The following BMPR1B variants were observed in gnomAD, a reference collection of about 807,000 sequenced individuals.
BMPR1B encodes bone morphogenetic protein receptor type 1B.
In BMPR1B, 12 loss-of-function variants were observed where a neutral mutation model predicts 59.1. That is an observed-to-expected ratio of 0.20 (90% CI 0.13 to 0.33). BMPR1B has a LOEUF of 0.33. Ranked by LOEUF, BMPR1B falls within the 10% of genes least tolerant of loss-of-function variation. The pLI is 1.00. For missense variants in BMPR1B, 550 were observed against 610.9 expected (o/e 0.90, Z 1.05); for synonymous variants, 237 against 207.3 (o/e 1.14, Z -1.23).
At chr4:94,957,347 T>G (rs1478641037) in intron 2 of BMPR1B, among the ~76,000 whole-genome samples, 1 of 149,724 alleles carries the variant, frequency 6.7e-6, no homozygotes, top group Non-Finnish European at 1.5e-5. Context: ...TTTTTTTTTT[T>G]TTTTTTTTTT....
chr4:95,043,483 A>T (rs529596839), intron 3 of BMPR1B, among the ~76,000 whole-genome samples: 1 of 152,186 alleles, frequency 6.6e-6, no homozygotes, highest in African/African-American at 2.4e-5. Context: ...TGTCTCATGA[A>T]TTGTTTTGTA....
At chr4:94,776,784 C>T (rs568303460) in intron 1 of BMPR1B, among the ~76,000 whole-genome samples, 4 of 152,124 alleles carry the variant, frequency 2.6e-5, no homozygotes, top group East Asian at 1.9e-4. Flanking sequence ...TACATGAATA[C>T]GCGTTCAATG....
chr4:94,924,018 C>A (rs531162531), intron 2 of BMPR1B, among the ~76,000 whole-genome samples: 60 of 152,252 alleles, frequency 3.9e-4, no homozygotes, highest in African/African-American at 1.3e-3. Context: ...TATGTCTTGA[C>A]TAGCATATGC....
At chr4:94,855,420 C>G (rs188600933) in intron 1 of BMPR1B, among the ~76,000 whole-genome samples, 12 of 152,304 alleles carry the variant, frequency 7.9e-5, no homozygotes, top group Admixed American at 7.8e-4. Flanking sequence ...ACAGCATTTG[C>G]TCTAAATTGC....
At chr4:94,916,380 T>C (rs1728483898) in intron 2 of BMPR1B, among the ~76,000 whole-genome samples, 1 of 152,208 alleles carries the variant, frequency 6.6e-6, no homozygotes, top group African/African-American at 2.4e-5. Flanking sequence ...AAGGCCAGGC[T>C]GCCGAGGTCT....
At chr4:95,015,070 A>G (rs774201853) in intron 3 of BMPR1B, among the ~76,000 whole-genome samples, 30 of 152,154 alleles carry the variant, frequency 2.0e-4, no homozygotes, top group Non-Finnish European at 4.3e-4. Flanking sequence ...TCACAAGAAC[A>G]CTGACATGTT....
At chr4:95,046,871 T>G (rs1726097872) in intron 3 of BMPR1B, among the ~76,000 whole-genome samples, 1 of 152,200 alleles carries the variant, frequency 6.6e-6, no homozygotes, top group African/African-American at 2.4e-5. Flanking sequence ...CTTTCTGATA[T>G]TTCTTCTTGT....
At chr4:94,862,860 G>A (rs13140476) in intron 1 of BMPR1B, among the ~76,000 whole-genome samples, 23,479 of 151,280 alleles carry the variant, frequency 0.16, 2,059 homozygotes, top group South Asian at 0.23. Context: ...CAGGAGAATG[G>A]CGTCAACCCG....
Position 94,788,095 on chromosome 4 carries a change from C to T in BMPR1B, c.-183+30027C>T, listed in dbSNP as rs569053673. Among the ~76,000 whole-genome samples, 12 of 152,290 alleles carry T rather than the reference C, an allele frequency of 7.9e-5. No individual in the cohort carries two copies. In the South Asian group the frequency reaches 2.1e-3, roughly 26 times the overall value. On this transcript the variant is annotated intron_variant, in intron 1 of 12. Transcript: ENST00000515059. ...TTCTGCCATCAGTTACAGTGACCCA[C>T]TTGTAGATTTTGTGCTTCTTGTCCC...
chr4:94,977,231 G>A (rs1731064119), intron 2 of BMPR1B, among the ~76,000 whole-genome samples: 1 of 152,150 alleles, frequency 6.6e-6, no homozygotes, highest in Admixed American at 6.5e-5. Context: ...AGCAGAAAAA[G>A]TCAGCTACAT....
Position 95,078,502 on chromosome 4 carries a change from G to A in BMPR1B, c.-17-25906G>A, listed in dbSNP as rs185931376. 5.9e-5 allele frequency among the ~76,000 whole-genome samples: 9 copies of A among 152,262 alleles called. No individual in the cohort carries two copies. In the East Asian group the frequency reaches 1.4e-3, roughly 23 times the overall value. On this transcript the variant is annotated intron_variant, in intron 3 of 12. Transcript: ENST00000515059. ...TTCCTTTAATTTTAACAACAGCCAT[G>A]TGAGAAGTAAATATTATTACCCCTG...
chr4:94,795,353 C>T (rs544655962), intron 1 of BMPR1B, among the ~76,000 whole-genome samples: 2 of 151,858 alleles, frequency 1.3e-5, no homozygotes, highest in Admixed American at 6.6e-5. Context: ...ACCAGCCTTG[C>T]ATCCCAGGGA....
intron 2 of BMPR1B, among the ~76,000 whole-genome samples, chr4:94,966,213 G>A (rs1284416827): frequency 6.6e-6 from 1 of 152,032 alleles, no homozygotes; most frequent in Non-Finnish European, 1.5e-5. Context: ...AATTTTTCTT[G>A]TTCTGGGAAT....
intron 3 of BMPR1B, among the ~76,000 whole-genome samples, chr4:95,076,675 A>G (rs1189769343): frequency 6.6e-6 from 1 of 152,098 alleles, no homozygotes; most frequent in Non-Finnish European, 1.5e-5. Flanking sequence ...CTCATATGTA[A>G]ATAAATTATG....
At chr4:94,805,895 A>C (rs1432843155) in intron 1 of BMPR1B, among the ~76,000 whole-genome samples, 1 of 152,202 alleles carries the variant, frequency 6.6e-6, no homozygotes, top group African/African-American at 2.4e-5. Context: ...TGAATGAATG[A>C]ATAAATATGG....
chr4:94,962,049 CTTTCTTTCT>C lies in BMPR1B; in HGVS notation c.-112-33973_-112-33965del, dbSNP rs147630671. On this transcript the variant is annotated intron_variant, in intron 2 of 12. Coordinates refer to ENST00000515059, the MANE Select transcript of BMPR1B (RefSeq NM_001203.3). ...ACATAGAAACTAGATTTTATTCTTT[CTTTCTTTCT>C]TTTCTTTCTTTTCTTTCCTTCCTTC... Among the ~76,000 whole-genome samples, 979 of 149,694 alleles carry C rather than the reference CTTTCTTTCT, an allele frequency of 6.5e-3. 12 individuals are homozygous for C. The highest frequency in any genetic ancestry group is 0.018 in the South Asian group (86 of 4,734).
Position 94,767,355 on chromosome 4 carries a change from A to G in BMPR1B, c.-183+9287A>G, listed in dbSNP as rs1365287865. The stretch of plus-strand genomic sequence containing the variant: ...TCTAAATATTTTATCTTGTCTTATA[A>G]TTTTGAGTAGGAATTAATATTGAAT... On this transcript the variant is annotated intron_variant, in intron 1 of 12. Transcript: ENST00000515059. Among the ~76,000 whole-genome samples, 5 of 152,284 alleles carry G rather than the reference A, an allele frequency of 3.3e-5. No individual in the cohort carries two copies. In the East Asian group the frequency reaches 7.7e-4, roughly 23 times the overall value.
At chr4:94,762,609 T>C (rs1199149455) in intron 1 of BMPR1B, among the ~76,000 whole-genome samples, 1 of 152,212 alleles carries the variant, frequency 6.6e-6, no homozygotes, top group East Asian at 1.9e-4. Flanking sequence ...TAGTATAAAA[T>C]ATGTATTTTA....
At chr4:94,992,614 T>G (rs1424757565) in intron 2 of BMPR1B, among the ~76,000 whole-genome samples, 2 of 152,248 alleles carry the variant, frequency 1.3e-5, no homozygotes, top group African/African-American at 2.4e-5. Flanking sequence ...TGATAAATAA[T>G]ACTTCTACTC....
Sources: allele counts gnomAD v4.1 joint callset (sites outside exome capture counted in the v4.1 genomes callset), GRCh38; gene constraint gnomAD v4.1.1; transcripts MANE v1.5; gene names NCBI Gene and HGNC (gene_info 2026-07-23, HGNC 2026-07-21).